Variants in AXL observed in about 807,000 individuals in gnomAD.
AXL encodes the protein tyrosine-protein kinase receptor UFO.
A neutral mutation model predicts 104.5 loss-of-function variants in AXL; 52 were observed. That is an observed-to-expected ratio of 0.50 (90% CI 0.40 to 0.63). AXL has a LOEUF of 0.63. Ranked by LOEUF, AXL falls within the 20% of genes least tolerant of loss-of-function variation. The probability of loss-of-function intolerance (pLI) is 0.00; values close to 1 mark genes in which losing one functional copy is unlikely to be tolerated. For synonymous variants in AXL, 455 were observed against 473.7 expected, an observed-to-expected ratio of 0.96 and a Z score of 0.51; for missense variants, 1,024 against 1,188.5, an observed-to-expected ratio of 0.86 and a Z score of 2.04.
chr19:41,224,257 T>C (rs2033841264), intron 4 of AXL, among the ~76,000 whole-genome samples: 1 of 152,158 alleles, frequency 6.6e-6, no homozygotes, highest in East Asian at 1.9e-4. Context: ...ATGGAGGTGG[T>C]AGTGTCAGCC....
intron 6 of AXL, among the ~76,000 whole-genome samples, chr19:41,232,598 G>C (rs1041551699): frequency 6.6e-6 from 1 of 151,758 alleles, no homozygotes; most frequent in Non-Finnish European, 1.5e-5. Flanking sequence ...ACTCCAGCTT[G>C]GGTAACACGA....
intron 14 of AXL, among the ~76,000 whole-genome samples, chr19:41,250,858 C>T (rs922870477): frequency 7.9e-5 from 12 of 152,190 alleles, no homozygotes; most frequent in African/African-American, 2.9e-4. Context: ...CCCCACTCAG[C>T]CTCCCACTGG....
In AXL at chr19:41,253,614, A is replaced by T. The variant is rs766672393; in HGVS notation, c.1942A>T (p.Met648Leu). ...GDQPVYLPTQ[M>L]LVKFMADIAS... ...GGCTCCCCAGTACCTGCCCACTCAG[A>T]TGCTAGTGAAGTTCATGGCAGACAT... The change falls in exon 17 of 20, where the codon ATG becomes TTG. Residue 648 changes from methionine (M) to leucine (L), a missense_variant. Around this residue, in one of 5 missense-constraint regions of AXL, gnomAD observed 523 missense variants for 636.0 expected, o/e 0.82. Transcript: ENST00000301178. 1 of 1,613,486 alleles carries T rather than the reference A, an allele frequency of 6.2e-7. No individual in the cohort carries two copies. The highest frequency in any genetic ancestry group is 8.5e-7 in the Non-Finnish European group (1 of 1,179,798).
intron 6 of AXL, among the ~76,000 whole-genome samples, chr19:41,236,978 G>A (rs1255754996): frequency 1.3e-5 from 2 of 151,862 alleles, no homozygotes; most frequent in African/African-American, 4.8e-5. Flanking sequence ...GCTATCGTTA[G>A]TGTTAGCGTA....
chr19:41,253,246 G>A (rs375993476), intron 16 of AXL, among the ~76,000 whole-genome samples: 3 of 152,198 alleles, frequency 2.0e-5, no homozygotes, highest in South Asian at 2.1e-4. Context: ...GGAGGTGACC[G>A]TGAAGGAGTT....
intron 17 of AXL, 99 bp downstream of exon 17, chr19:41,253,807 G>T: frequency 1.0e-6 from 1 of 975,316 alleles, no homozygotes; most frequent in South Asian, 1.4e-5. Context: ...CTAGACACCC[G>T]CTGAGGGCAG....
chr19:41,240,678 C>T (rs2034167168), intron 10 of AXL, among the ~76,000 whole-genome samples: 2 of 151,948 alleles, frequency 1.3e-5, no homozygotes, highest in African/African-American at 4.8e-5. Flanking sequence ...GCTTATTCCA[C>T]CCTCCTTTCA....
At chr19:41,220,282 G>C in intron 1 of AXL, 2 of 222,658 alleles carry the variant, frequency 9.0e-6, no homozygotes, top group Non-Finnish European at 8.9e-6. Flanking sequence ...CCCAACCCCT[G>C]ATTCTTCCCC....
intron 1 of AXL, 61 bp from the exon 2 acceptor site, chr19:41,220,575 G>A: frequency 6.9e-7 from 1 of 1,443,872 alleles, no homozygotes; most frequent in Non-Finnish European, 9.4e-7. Flanking sequence ...GGACAGGGTG[G>A]AACTGAGGGC....
Position 41,253,691 on chromosome 19 carries a change from G to A in AXL, c.2019G>A (p.Leu673=), listed in dbSNP as rs2122280458. The A allele has an allele frequency of 6.2e-7, 1 of 1,613,086 alleles. No homozygotes were observed. The highest frequency in any genetic ancestry group is 8.5e-7 in the Non-Finnish European group (1 of 1,179,716). ...CCAAGAGATTCATACACCGGGACCT[G>A]GCGGCCAGGAACTGCATGTGAGTGC... ...LSTKRFIHRD[L]AARNCMLNEN... The change falls in exon 17 of 20, where the codon CTG becomes CTA. Residue 673 remains leucine, a synonymous_variant. Transcript: ENST00000301178.
intron 10 of AXL, among the ~76,000 whole-genome samples, chr19:41,240,959 A>G (rs1307240292): frequency 6.6e-6 from 1 of 151,888 alleles, no homozygotes; most frequent in East Asian, 1.9e-4. Context: ...CTCAGCACAT[A>G]ATGATCTTTA....
intron 6 of AXL, 51 bp downstream of exon 6, chr19:41,231,349 C>T: frequency 6.7e-7 from 1 of 1,492,478 alleles, no homozygotes; most frequent in Non-Finnish European, 9.2e-7. Flanking sequence ...CTTCCACCCA[C>T]ATCCACAACC....
At chr19:41,239,023 T>A (rs1049269122) in intron 8 of AXL, 141 bp from the exon 9 acceptor site, 2 of 960,226 alleles carry the variant, frequency 2.1e-6, no homozygotes, top group Non-Finnish European at 3.1e-6. Context: ...GGATGAGAGA[T>A]GAAGGGGAGG....
intron 4 of AXL, among the ~76,000 whole-genome samples, chr19:41,223,365 G>A (rs932589333): frequency 6.6e-5 from 10 of 152,126 alleles, no homozygotes; most frequent in Non-Finnish European, 1.5e-4. Flanking sequence ...CTCCTTCTTG[G>A]GGACCATTCC....
chr19:41,221,110 C>T, intron 2 of AXL, 36 bp from the exon 3 acceptor site: 1 of 1,595,772 alleles, frequency 6.3e-7, no homozygotes, highest in Non-Finnish European at 8.6e-7. Context: ...CCAGCTCTGA[C>T]CCTGAACCTC....
At chr19:41,247,445 G>A (rs1265489134) in intron 12 of AXL, among the ~76,000 whole-genome samples, 1 of 152,244 alleles carries the variant, frequency 6.6e-6, no homozygotes, top group Non-Finnish European at 1.5e-5. Context: ...GGAGGTTGCG[G>A]TGAGCCGAGA....
chr19:41,235,372 A>AGAT (rs764912363), intron 6 of AXL, among the ~76,000 whole-genome samples: 1 of 134,418 alleles, frequency 7.4e-6, no homozygotes, highest in African/African-American at 2.7e-5. Context: ...ATAAATAAAT[A>AGAT]GATAGATAGA....
chr19:41,243,964 G>A (rs927865350), intron 12 of AXL: 3 of 376,724 alleles, frequency 8.0e-6, no homozygotes, highest in Non-Finnish European at 1.5e-5. Context: ...CTAGCGCTTC[G>A]GGGGGCCGAG....
chr19:41,253,541 G>A (rs1358360822), intron 16 of AXL, 58 bp from the exon 17 acceptor site: 1 of 1,251,906 alleles, frequency 8.0e-7, no homozygotes, highest in Non-Finnish European at 1.2e-6. Context: ...GATGGAGGGA[G>A]GAGGGATCGC....
Sources: gnomAD v4.1 joint callset for allele counts (sites outside exome capture counted in the v4.1 genomes callset) on GRCh38, gnomAD v4.1.1 for gene constraint, gnomAD v4.1.1 regional missense constraint, MANE v1.5 for transcripts, NCBI Gene and HGNC (gene_info 2026-07-23, HGNC 2026-07-21) for gene names.